The following LHPP variants were observed in gnomAD, a reference collection of about 807,000 sequenced individuals.
The protein encoded by LHPP is hLHPP.
In LHPP, 24 loss-of-function variants were observed where a neutral mutation model predicts 30.3. The observed-to-expected ratio is 0.79, with a 90% CI of 0.57 to 1.11. The LOEUF is 1.11. Ranked by LOEUF, LHPP falls within the 50% of genes most tolerant of loss-of-function variation. The pLI, the probability that LHPP is intolerant of heterozygous loss-of-function variation, is 0.00. For missense variants in LHPP, 356 were observed against 367.2 expected, an observed-to-expected ratio of 0.97 and a Z score of 0.25; for synonymous variants, 150 against 157.1, an observed-to-expected ratio of 0.95 and a Z score of 0.34.
At chr10:124,484,059 C>A in intron 1 of LHPP, 80 bp from the exon 2 acceptor site, 1 of 1,386,606 alleles carries the variant, frequency 7.2e-7, no homozygotes, top group Non-Finnish European at 1.0e-6. Flanking sequence ...GGATGCCCTT[C>A]GAGAATCACC....
At chr10:124,520,406 G>A (rs1455482510) in intron 6 of LHPP, among the ~76,000 whole-genome samples, 1 of 151,886 alleles carries the variant, frequency 6.6e-6, no homozygotes, top group Non-Finnish European at 1.5e-5. Context: ...CTCAGCAAAT[G>A]GCCAGGGTGG....
intron 6 of LHPP, among the ~76,000 whole-genome samples, chr10:124,534,987 T>C (rs1432640304): frequency 2.6e-5 from 4 of 152,220 alleles, no homozygotes; most frequent in Non-Finnish European, 5.9e-5. Flanking sequence ...TCGGCGCCTA[T>C]TGTTACAGCA....
intron 6 of LHPP, among the ~76,000 whole-genome samples, chr10:124,570,673 T>A (rs565786961): frequency 6.6e-6 from 1 of 152,176 alleles, no homozygotes; most frequent in East Asian, 1.9e-4. Context: ...TTTCAATCTC[T>A]GTGGATTCGC....
At chr10:124,560,645 G>A (rs759615189) in intron 6 of LHPP, among the ~76,000 whole-genome samples, 23 of 152,212 alleles carry the variant, frequency 1.5e-4, no homozygotes, top group Admixed American at 1.2e-3. Flanking sequence ...TGCTCCCGAC[G>A]TCAGGCTCAC....
chr10:124,543,422 G>C lies in LHPP; in HGVS notation c.716+26151G>C, dbSNP rs571172709. ...CGCAGGTGGCTGTACCGTGGCTGCGGTGATGTGCTGACTGGGAACGGCAGA... is the reference window on the plus strand; with the variant it reads ...CGCAGGTGGCTGTACCGTGGCTGCGCTGATGTGCTGACTGGGAACGGCAGA... On this transcript the variant is annotated intron_variant, in intron 6 of 6. Transcript: ENST00000368842. Among the ~76,000 whole-genome samples, 4 of 152,402 alleles carry C rather than the reference G, an allele frequency of 2.6e-5. No homozygotes were observed. The South Asian group carries it at 6.2e-4, about 24-fold the overall frequency.
intron 6 of LHPP, among the ~76,000 whole-genome samples, chr10:124,530,315 C>T (rs1285617916): frequency 6.6e-6 from 1 of 152,144 alleles, no homozygotes; most frequent in African/African-American, 2.4e-5. Context: ...AAGAGGGCGC[C>T]TTGCTGCCAG....
chr10:124,566,785 C>A (rs1034056719), intron 6 of LHPP, among the ~76,000 whole-genome samples: 1 of 152,166 alleles, frequency 6.6e-6, no homozygotes, highest in African/African-American at 2.4e-5. Context: ...TCTGAGGGGG[C>A]AGCCAGGGCT....
Position 124,496,756 on chromosome 10 carries a change from G to T in LHPP, c.468-205G>T, listed in dbSNP as rs41307540. Among the ~76,000 whole-genome samples, 1 of 152,142 alleles carries T rather than the reference G, an allele frequency of 6.6e-6. No homozygotes were observed. The highest frequency in any genetic ancestry group is 2.4e-5 in the African/African-American group (1 of 41,460). ...CCTGGAGCTGCTGGCTGCTGCGCTC[G>T]CCCCACTGGGTGTGGCGGCCTGCCG... On this transcript the variant is annotated intron_variant, in intron 3 of 6. Coordinates refer to ENST00000368842, the MANE Select transcript of LHPP (RefSeq NM_022126.4). This position sits in a 1 kb window ranked among gnomAD's most constrained non-coding sequence, Gnocchi z 4.3.
chr10:124,544,975 G>A (rs1168536986), intron 6 of LHPP, among the ~76,000 whole-genome samples: 2 of 152,182 alleles, frequency 1.3e-5, no homozygotes, highest in East Asian at 3.9e-4. Flanking sequence ...GGAGGACGGT[G>A]GCTCCCAGTG....
At chr10:124,608,421 GCCAA>G (rs951004602) in intron 6 of LHPP, among the ~76,000 whole-genome samples, 3 of 152,292 alleles carry the variant, frequency 2.0e-5, no homozygotes, top group Admixed American at 2.0e-4. Context: ...CCACACCCGC[GCCAA>G]CCAACCTGTC....
At chr10:124,531,957 G>A (rs1366586790) in intron 6 of LHPP, among the ~76,000 whole-genome samples, 1 of 152,168 alleles carries the variant, frequency 6.6e-6, no homozygotes, top group South Asian at 2.1e-4. Context: ...TTACTTTAAG[G>A]AAAGATGTTC....
At chr10:124,464,522 C>T (rs1231564335) in intron 1 of LHPP, among the ~76,000 whole-genome samples, 1 of 152,196 alleles carries the variant, frequency 6.6e-6, no homozygotes, top group East Asian at 1.9e-4. Context: ...AGACCTAGGA[C>T]ACTCCGCTGG....
intron 1 of LHPP, among the ~76,000 whole-genome samples, chr10:124,463,097 G>C (rs1952452104): frequency 6.6e-6 from 1 of 152,338 alleles, no homozygotes; most frequent in African/African-American, 2.4e-5. Context: ...TCTAACTCCT[G>C]ACCTCAGGTG....
chr10:124,471,751 G>GTATATATATTTGTA (rs1952785322), intron 1 of LHPP, among the ~76,000 whole-genome samples: 2 of 102,016 alleles, frequency 2.0e-5, no homozygotes, highest in African/African-American at 4.1e-5. Flanking sequence ...ATATATATTT[G>GTATATATATTTGTA]TATATATATA....
At chr10:124,609,051 C>T (rs1403463612) in intron 6 of LHPP, among the ~76,000 whole-genome samples, 4 of 152,134 alleles carry the variant, frequency 2.6e-5, no homozygotes, top group South Asian at 2.1e-4. Flanking sequence ...CCCTGGGGGA[C>T]GGTGGACAGG....
At chr10:124,497,645 G>A (rs928828586) in intron 4 of LHPP, among the ~76,000 whole-genome samples, 5 of 152,232 alleles carry the variant, frequency 3.3e-5, no homozygotes, top group Non-Finnish European at 4.4e-5. Context: ...AGAGGCAGAC[G>A]AGCAGATGGA....
At chr10:124,512,790 C>T (rs540092701) in intron 5 of LHPP, among the ~76,000 whole-genome samples, 10 of 152,240 alleles carry the variant, frequency 6.6e-5, no homozygotes, top group African/African-American at 2.2e-4. Context: ...CTGGGATCTC[C>T]ACCCCACTGC....
intron 1 of LHPP, among the ~76,000 whole-genome samples, chr10:124,481,061 A>C (rs1156427728): frequency 6.6e-6 from 1 of 151,990 alleles, no homozygotes; most frequent in Admixed American, 6.6e-5. Flanking sequence ...TTAATGGGGG[A>C]TTGTGGAGTG....
At chr10:124,528,209 G>T (rs1349599680) in intron 6 of LHPP, among the ~76,000 whole-genome samples, 1 of 152,194 alleles carries the variant, frequency 6.6e-6, no homozygotes, top group Non-Finnish European at 1.5e-5. Flanking sequence ...TTCCCTAACG[G>T]TTCCCATTTG....
Sources: allele counts gnomAD v4.1 joint callset (sites outside exome capture counted in the v4.1 genomes callset), GRCh38; gene constraint gnomAD v4.1.1; non-coding constraint Gnocchi (gnomAD v3.1); transcripts MANE v1.5; gene names NCBI Gene and HGNC (gene_info 2026-07-23, HGNC 2026-07-21).